The following SMCO2 variants were observed in gnomAD, a reference collection of about 807,000 sequenced individuals.
The protein encoded by SMCO2 is single-pass membrane protein with coiled-coil domains 2.
A neutral mutation model predicts 29.5 loss-of-function variants in SMCO2; 25 were observed. That is an observed-to-expected ratio of 0.85 (90% CI 0.62 to 1.18). The LOEUF is 1.18. SMCO2 is among the 50% of genes most tolerant of loss of function. The pLI is 0.00. For synonymous variants in SMCO2, 117 were observed against 123.3 expected, an observed-to-expected ratio of 0.95 and a Z score of 0.34; for missense variants, 348 against 344.5, an observed-to-expected ratio of 1.01 and a Z score of -0.08.
chr12:27,467,877 A>G (rs1949510488), intron 1 of SMCO2, among the ~76,000 whole-genome samples: 1 of 152,216 alleles, frequency 6.6e-6, no homozygotes, highest in African/African-American at 2.4e-5. Context: ...CAACTTAGTG[A>G]AAGTGCCTTA....
the SMCO2 span, among the ~76,000 whole-genome samples, chr12:27,460,443 G>A: frequency 3.3e-5 from 5 of 152,134 alleles, no homozygotes; most frequent in Admixed American, 2.6e-4. Context: ...TATTTTTACA[G>A]TAAAGTAAGC....
chr12:27,494,291 T>G lies in SMCO2; in HGVS notation c.451-9T>G, dbSNP rs930605292. On this transcript the variant is annotated splice_polypyrimidine_tract_variant and intron_variant, in intron 5 of 7. Transcript: ENST00000298876. ...TTCATTTTACCCAGAATTGTGGATG[T>G]GTTTTTAGGTGAATACTTGTAATGA... The G allele has an allele frequency of 1.3e-5, 19 of 1,463,908 alleles. No individual in the cohort carries two copies. Among genetic ancestry groups the G allele is most frequent in the Admixed American group, 2.6e-5 (1 of 38,504 alleles). 90.7% of individuals were successfully genotyped at this position (1,463,908 alleles called of 1,614,324 possible). A position where few individuals can be genotyped will look rare whatever the true frequency, so the allele number is the denominator to read the frequency against.
At chr12:27,445,337 T>A in the SMCO2 span, among the ~76,000 whole-genome samples, 5 of 152,230 alleles carry the variant, frequency 3.3e-5, no homozygotes, top group Admixed American at 2.0e-4. Flanking sequence ...TTAATTTGAA[T>A]TTCAGATAAA....
intron 7 of SMCO2, among the ~76,000 whole-genome samples, chr12:27,498,758 A>G (rs1407923864): frequency 1.3e-5 from 2 of 150,714 alleles, no homozygotes; most frequent in African/African-American, 5.0e-5. Flanking sequence ...AGTTTGAAAA[A>G]CAGGCAAATG....
At chr12:27,428,559 T>C in the SMCO2 span, among the ~76,000 whole-genome samples, 1 of 143,564 alleles carries the variant, frequency 7.0e-6, no homozygotes, top group African/African-American at 2.6e-5. Context: ...CTTGGCCACC[T>C]TTTTTTTTTT....
At chr12:27,493,532 CAA>C (rs60554184) in intron 5 of SMCO2, among the ~76,000 whole-genome samples, 3 of 144,030 alleles carry the variant, frequency 2.1e-5, no homozygotes, top group African/African-American at 7.6e-5. Flanking sequence ...GACCTTGTCT[CAA>C]AAAAAAAAAA....
At chr12:27,442,567 G>A in the SMCO2 span, among the ~76,000 whole-genome samples, 3 of 152,266 alleles carry the variant, frequency 2.0e-5, no homozygotes, top group East Asian at 5.8e-4. Context: ...TCAAAGAAAA[G>A]CCTAGGAGTT....
the SMCO2 span, among the ~76,000 whole-genome samples, chr12:27,427,858 G>C: frequency 6.6e-6 from 1 of 152,136 alleles, no homozygotes; most frequent in African/African-American, 2.4e-5. Context: ...GAGTTTTATT[G>C]TTACTCAAAT....
chr12:27,429,480 A>AG, the SMCO2 span, among the ~76,000 whole-genome samples: 2 of 10,558 alleles, frequency 1.9e-4, no homozygotes, highest in African/African-American at 4.5e-4. Flanking sequence ...TAAAATTACA[A>AG]AAAAAAAAAA....
chr12:27,433,002 C>A, the SMCO2 span, among the ~76,000 whole-genome samples: 131 of 152,232 alleles, frequency 8.6e-4, 2 homozygotes, highest in East Asian at 5.8e-4. Context: ...AAGCAGTTCT[C>A]CAGTATTTGC....
intron 4 of SMCO2, among the ~76,000 whole-genome samples, chr12:27,476,809 T>C (rs1189178042): frequency 6.6e-6 from 1 of 152,058 alleles, no homozygotes; most frequent in Non-Finnish European, 1.5e-5. Flanking sequence ...ATTCAACCAC[T>C]CTATATCTTT....
upstream of SMCO2, among the ~76,000 whole-genome samples, chr12:27,465,344 A>G (rs888686061): frequency 1.3e-5 from 2 of 152,192 alleles, no homozygotes; most frequent in African/African-American, 4.8e-5. Context: ...TAGTAGTAAG[A>G]ATTTTGTGAT....
intron 5 of SMCO2, among the ~76,000 whole-genome samples, chr12:27,492,514 A>T (rs192678908): frequency 6.6e-6 from 1 of 152,302 alleles, no homozygotes; most frequent in East Asian, 1.9e-4. Flanking sequence ...CCTGGGCAAC[A>T]TGGTGAAACC....
chr12:27,443,631 AC>A, the SMCO2 span, among the ~76,000 whole-genome samples: 6 of 152,204 alleles, frequency 3.9e-5, no homozygotes, highest in African/African-American at 1.2e-4. Context: ...AGACTCCACC[AC>A]AAAACTGTTA....
At chr12:27,479,089 T>C (rs1333490395) in intron 4 of SMCO2, among the ~76,000 whole-genome samples, 1 of 152,168 alleles carries the variant, frequency 6.6e-6, no homozygotes, top group Non-Finnish European at 1.5e-5. Context: ...TCAGTGGCTA[T>C]GGGTGGAGCA....
intron 4 of SMCO2, among the ~76,000 whole-genome samples, chr12:27,476,154 C>G (rs1483132515): frequency 6.6e-6 from 1 of 152,118 alleles, no homozygotes; most frequent in African/African-American, 2.4e-5. Context: ...AATTTCCATA[C>G]ATTTCTATAT....
intron 4 of SMCO2, among the ~76,000 whole-genome samples, chr12:27,483,253 A>G (rs1949660888): frequency 6.6e-6 from 1 of 152,006 alleles, no homozygotes; most frequent in African/African-American, 2.4e-5. Context: ...GGAGTGTTGA[A>G]ATCTCCAACT....
the SMCO2 span, among the ~76,000 whole-genome samples, chr12:27,429,624 A>G: frequency 2.0e-5 from 3 of 152,178 alleles, no homozygotes; most frequent in Non-Finnish European, 4.4e-5. Context: ...CAGAATGAGT[A>G]TAGAATAGGA....
chr12:27,445,009 TA>T, the SMCO2 span, among the ~76,000 whole-genome samples: 1 of 152,064 alleles, frequency 6.6e-6, no homozygotes, highest in African/African-American at 2.4e-5. Flanking sequence ...TATTAAGCTA[TA>T]AAAAAAGAAT....
Sources: allele counts gnomAD v4.1 joint callset (sites outside exome capture counted in the v4.1 genomes callset), GRCh38; gene constraint gnomAD v4.1.1; transcripts MANE v1.5; gene names NCBI Gene and HGNC (gene_info 2026-07-23, HGNC 2026-07-21).